TTC28: variants seen among roughly 807,000 people sequenced by gnomAD.
TTC28 encodes the protein tetratricopeptide repeat protein 28.
TTC28 carries 61 observed loss-of-function variants against 198.0 expected under a neutral mutation model. The ratio of observed to expected loss-of-function variants is 0.31; its 90% CI spans 0.25 to 0.38. The LOEUF (loss-of-function observed/expected upper bound fraction) is 0.38, where lower values mean the gene tolerates loss of function less well. Among genes scored for constraint, TTC28 ranks in the 10% least tolerant of loss-of-function variants. The pLI, the probability that TTC28 is intolerant of heterozygous loss-of-function variation, is 1.00. For missense variants in TTC28, 2,678 were observed against 3,164.0 expected (o/e 0.85, Z 3.69); for synonymous variants, 1,171 against 1,297.8 (o/e 0.90, Z 2.10).
intron 6 of TTC28, among the ~76,000 whole-genome samples, chr22:28,137,860 C>T (rs1445819918): frequency 6.6e-6 from 1 of 151,978 alleles, no homozygotes; most frequent in Non-Finnish European, 1.5e-5. Context: ...ACTAAAAATA[C>T]AAAAATCAGC....
chr22:28,298,692 C>G (rs1214725591), intron 3 of TTC28, among the ~76,000 whole-genome samples: 3 of 152,058 alleles, frequency 2.0e-5, no homozygotes, highest in African/African-American at 7.2e-5. Flanking sequence ...CTCAAGTGAT[C>G]CTCCCACCTC....
intron 2 of TTC28, among the ~76,000 whole-genome samples, chr22:28,497,278 G>C (rs548430662): frequency 6.6e-6 from 1 of 151,930 alleles, no homozygotes; most frequent in Non-Finnish European, 1.5e-5. Context: ...TTTACTGAAC[G>C]TATAAAAAGG....
chr22:28,610,066 G>GA (rs201195813), intron 2 of TTC28, among the ~76,000 whole-genome samples: 2,602 of 152,158 alleles, frequency 0.017, 74 homozygotes, highest in African/African-American at 0.06. Context: ...GGGCATCTCT[G>GA]AAAAAAAGGC....
At chr22:28,669,841 A>G (rs2145707041) in intron 1 of TTC28, among the ~76,000 whole-genome samples, 2 of 152,264 alleles carry the variant, frequency 1.3e-5, no homozygotes, top group African/African-American at 4.8e-5. Flanking sequence ...TTATTCTACT[A>G]TTTCCCAAAA....
At chr22:28,615,446 T>A (rs2050888105) in intron 2 of TTC28, among the ~76,000 whole-genome samples, 2 of 152,208 alleles carry the variant, frequency 1.3e-5, no homozygotes, top group Non-Finnish European at 2.9e-5. Flanking sequence ...ATCCCATTAC[T>A]GGGTATATAC....
At chr22:28,554,235 G>C (rs2049750934) in intron 2 of TTC28, among the ~76,000 whole-genome samples, 2 of 151,902 alleles carry the variant, frequency 1.3e-5, no homozygotes, top group South Asian at 4.2e-4. Flanking sequence ...CACAAACACT[G>C]CGGAAGGCCG....
At chr22:28,555,175 A>C (rs188666032) in intron 2 of TTC28, among the ~76,000 whole-genome samples, 1 of 152,332 alleles carries the variant, frequency 6.6e-6, no homozygotes, top group Non-Finnish European at 1.5e-5. Context: ...CTGCAAGAAT[A>C]GCCATAATGA....
intron 2 of TTC28, among the ~76,000 whole-genome samples, chr22:28,556,701 G>A (rs950142001): frequency 6.6e-5 from 10 of 152,322 alleles, no homozygotes; most frequent in African/African-American, 2.4e-4. Flanking sequence ...CAGCTTAGCT[G>A]GCTGATTCTG....
intron 4 of TTC28, among the ~76,000 whole-genome samples, chr22:28,297,198 C>CT (rs918099555): frequency 3.3e-5 from 5 of 151,002 alleles, no homozygotes; most frequent in South Asian, 2.1e-4. Context: ...GAGGCACTCG[C>CT]TTTTTTTTTC....
chr22:28,428,358 A>T (rs1375897853), intron 2 of TTC28, among the ~76,000 whole-genome samples: 1 of 152,176 alleles, frequency 6.6e-6, no homozygotes, highest in African/African-American at 2.4e-5. Flanking sequence ...GTACTATGAA[A>T]ATACAAAGTG....
intron 12 of TTC28, among the ~76,000 whole-genome samples, chr22:28,079,901 A>C (rs928852689): frequency 1.3e-5 from 2 of 151,938 alleles, no homozygotes; most frequent in East Asian, 3.9e-4. Flanking sequence ...TAGTTTTAAA[A>C]ATTTTTTTGT....
intron 12 of TTC28, among the ~76,000 whole-genome samples, chr22:28,054,012 C>T (rs1940181819): frequency 6.6e-6 from 1 of 152,186 alleles, no homozygotes; most frequent in Non-Finnish European, 1.5e-5. Context: ...ATCCCTGACA[C>T]ACTTAGTGAG....
At chr22:28,154,230 A>G (rs1379490625) in intron 6 of TTC28, among the ~76,000 whole-genome samples, 1 of 152,216 alleles carries the variant, frequency 6.6e-6, no homozygotes, top group Non-Finnish European at 1.5e-5. Context: ...TGCCTAAATT[A>G]GAATGAGAAA....
intron 2 of TTC28, among the ~76,000 whole-genome samples, chr22:28,398,297 G>A (rs1404530192): frequency 6.6e-6 from 1 of 152,144 alleles, no homozygotes; most frequent in Non-Finnish European, 1.5e-5. Flanking sequence ...GCCAGAGGGG[G>A]CCACTGTGGA....
chr22:28,589,215 ACTATTCTCC>A (rs1220549931), intron 2 of TTC28, among the ~76,000 whole-genome samples: 1 of 152,202 alleles, frequency 6.6e-6, no homozygotes, highest in Non-Finnish European at 1.5e-5. Context: ...AATCTTAGTG[ACTATTCTCC>A]CATGTTAAAT....
At chr22:28,323,629 C>T (rs2045481023) in intron 2 of TTC28, among the ~76,000 whole-genome samples, 1 of 151,792 alleles carries the variant, frequency 6.6e-6, no homozygotes, top group South Asian at 2.1e-4. Context: ...AGAAAACAGC[C>T]CCAAAAGGGA....
chr22:28,319,774 T>C (rs1218469355), intron 2 of TTC28, among the ~76,000 whole-genome samples: 6 of 152,194 alleles, frequency 3.9e-5, no homozygotes, highest in African/African-American at 1.4e-4. Flanking sequence ...TTTGAATAAT[T>C]TGAAGGGAAA....
At chr22:28,140,924 A>G (rs1021051933) in intron 6 of TTC28, among the ~76,000 whole-genome samples, 3 of 144,290 alleles carry the variant, frequency 2.1e-5, no homozygotes, top group Non-Finnish European at 4.6e-5. Context: ...TAACCTTTAA[A>G]TGCAAAGGAA....
At chr22:28,109,894 C>A (rs1238385056) in intron 6 of TTC28, among the ~76,000 whole-genome samples, 2 of 152,174 alleles carry the variant, frequency 1.3e-5, no homozygotes, top group Non-Finnish European at 2.9e-5. Context: ...GTTAAAACAT[C>A]TGAACTAAAA....
Sources: gnomAD v4.1 joint callset for allele counts (sites outside exome capture counted in the v4.1 genomes callset) on GRCh38, gnomAD v4.1.1 for gene constraint, MANE v1.5 for transcripts, NCBI Gene and HGNC (gene_info 2026-07-23, HGNC 2026-07-21) for gene names.